The following SMIM35 variants were observed in gnomAD, a reference collection of about 807,000 sequenced individuals.
SMIM35 encodes the protein small integral membrane protein 35.
chr11:118,018,779 G>C (rs1591277529), intron 1 of SMIM35, among the ~76,000 whole-genome samples: 1 of 152,128 alleles, frequency 6.6e-6, no homozygotes, highest in Non-Finnish European at 1.5e-5. Flanking sequence ...GACTTAGGCA[G>C]GTTGCAGAAA....
At chr11:118,030,904 T>C (rs950419530) in intron 1 of SMIM35, among the ~76,000 whole-genome samples, 16 of 151,862 alleles carry the variant, frequency 1.1e-4, no homozygotes, top group Admixed American at 6.6e-5. Flanking sequence ...AGAAAGGCCA[T>C]GATGGTGCAG....
At chr11:118,063,189 T>C (rs1944418496) in intron 1 of SMIM35, among the ~76,000 whole-genome samples, 1 of 152,242 alleles carries the variant, frequency 6.6e-6, no homozygotes, top group Non-Finnish European at 1.5e-5. Flanking sequence ...GTAGCCATTC[T>C]TTTATTCCTT....
intron 1 of SMIM35, among the ~76,000 whole-genome samples, chr11:118,039,513 C>T (rs538130339): frequency 7.8e-4 from 118 of 151,956 alleles, no homozygotes; most frequent in Non-Finnish European, 1.4e-3. Flanking sequence ...AGTTCAAGAC[C>T]AGCCTGGGAA....
intron 1 of SMIM35, among the ~76,000 whole-genome samples, chr11:118,028,147 C>T (rs1408349030): frequency 1.3e-5 from 2 of 152,180 alleles, no homozygotes. Flanking sequence ...TAACTATGGC[C>T]CTTCTATTCC....
chr11:118,023,666 A>G (rs553376002), intron 1 of SMIM35, among the ~76,000 whole-genome samples: 22 of 152,276 alleles, frequency 1.4e-4, no homozygotes, highest in Admixed American at 5.2e-4. Flanking sequence ...CACAGAAGAA[A>G]AAAGTAGTGC....
chr11:118,041,406 T>G (rs1032176067), intron 1 of SMIM35, among the ~76,000 whole-genome samples: 13 of 152,058 alleles, frequency 8.5e-5, no homozygotes, highest in African/African-American at 2.9e-4. Context: ...TGCCAAGCCG[T>G]AAAACAAACC....
At chr11:118,082,448 C>A (rs746778728) in intron 1 of SMIM35, among the ~76,000 whole-genome samples, 1 of 152,026 alleles carries the variant, frequency 6.6e-6, no homozygotes, top group Non-Finnish European at 1.5e-5. Context: ...GTAATCCCAG[C>A]GACTCGGGAA....
At chr11:118,044,772 C>CAAAAAA (rs35072099) in intron 1 of SMIM35, among the ~76,000 whole-genome samples, 2 of 94,722 alleles carry the variant, frequency 2.1e-5, no homozygotes, top group Non-Finnish European at 2.0e-5. Context: ...ACTCCATCTC[C>CAAAAAA]AAAAAAAAAA....
At chr11:118,046,950 A>G (rs943226128) in intron 1 of SMIM35, among the ~76,000 whole-genome samples, 2 of 152,212 alleles carry the variant, frequency 1.3e-5, no homozygotes, top group African/African-American at 4.8e-5. Context: ...TTGAAAATGT[A>G]TTGTTTTGAG....
At chr11:118,029,506 C>A (rs1364042967) in intron 1 of SMIM35, among the ~76,000 whole-genome samples, 1 of 152,178 alleles carries the variant, frequency 6.6e-6, no homozygotes, top group Non-Finnish European at 1.5e-5. Flanking sequence ...TTTCTTCTTG[C>A]CAGCTGGGGG....
chr11:118,049,675 T>C (rs1944177939), intron 1 of SMIM35, among the ~76,000 whole-genome samples: 1 of 152,122 alleles, frequency 6.6e-6, no homozygotes, highest in Non-Finnish European at 1.5e-5. Flanking sequence ...AATTTAATTT[T>C]TGCGTGTGTG....
chr11:118,048,785 A>T (rs886838457), intron 1 of SMIM35, among the ~76,000 whole-genome samples: 1 of 151,970 alleles, frequency 6.6e-6, no homozygotes, highest in African/African-American at 2.4e-5. Flanking sequence ...ATAGCCAAAC[A>T]GCAGGCCATC....
chr11:118,053,213 C>G (rs1032580770), intron 1 of SMIM35, among the ~76,000 whole-genome samples: 1 of 151,988 alleles, frequency 6.6e-6, no homozygotes, highest in Non-Finnish European at 1.5e-5. Flanking sequence ...GAGGCTGAGG[C>G]CAGAGAATCG....
chr11:118,046,766 A>C (rs1944102445), intron 1 of SMIM35, among the ~76,000 whole-genome samples: 1 of 152,224 alleles, frequency 6.6e-6, no homozygotes, highest in South Asian at 2.1e-4. Context: ...TCACAGCCAG[A>C]CTGACACCGT....
At chr11:118,064,300 A>C (rs1235742008) in intron 1 of SMIM35, among the ~76,000 whole-genome samples, 1 of 152,180 alleles carries the variant, frequency 6.6e-6, no homozygotes, top group Non-Finnish European at 1.5e-5. Flanking sequence ...GCAAAGAAAA[A>C]ATTTTAAATG....
At chr11:118,011,733 A>G (rs749929097) in intron 4 of SMIM35, among the ~76,000 whole-genome samples, 4 of 152,108 alleles carry the variant, frequency 2.6e-5, no homozygotes, top group Non-Finnish European at 5.9e-5. Flanking sequence ...CCCAAACCTC[A>G]GGGGTTAGGA....
intron 1 of SMIM35, among the ~76,000 whole-genome samples, chr11:118,021,881 T>C (rs939917533): frequency 4.6e-5 from 7 of 152,158 alleles, no homozygotes; most frequent in African/African-American, 1.7e-4. Context: ...CAGCTAAGGA[T>C]ATAGAGGACA....
chr11:118,076,463 AAAAG>A (rs894929380), intron 1 of SMIM35, among the ~76,000 whole-genome samples: 5 of 152,038 alleles, frequency 3.3e-5, no homozygotes, highest in African/African-American at 4.8e-5. Context: ...AGAAAAGAAA[AAAAG>A]AAAGAAAGAA....
intron 1 of SMIM35, among the ~76,000 whole-genome samples, chr11:118,058,207 G>A (rs1944344558): frequency 6.6e-6 from 1 of 152,178 alleles, no homozygotes; most frequent in Non-Finnish European, 1.5e-5. Flanking sequence ...GGCCAGGAGA[G>A]CAGGGTCCCT....
Sources: gnomAD v4.1 joint callset for allele counts (sites outside exome capture counted in the v4.1 genomes callset) on GRCh38, gnomAD v4.1.1 for gene constraint, MANE v1.5 for transcripts, NCBI Gene and HGNC (gene_info 2026-07-23, HGNC 2026-07-21) for gene names.